Variants in TSPAN11 observed in about 807,000 individuals in gnomAD.
TSPAN11 encodes the protein tetraspanin 11.
Under a neutral mutation model 32.9 loss-of-function variants are expected in TSPAN11, and 29 were observed. That is an observed-to-expected ratio of 0.88 (90% CI 0.66 to 1.20). TSPAN11 has a LOEUF of 1.20. Ranked by LOEUF, TSPAN11 falls within the 50% of genes most tolerant of loss-of-function variation. The pLI is 0.00. For synonymous variants in TSPAN11, 140 were observed against 141.3 expected, an observed-to-expected ratio of 0.99 and a Z score of 0.07; for missense variants, 283 against 329.1, an observed-to-expected ratio of 0.86 and a Z score of 1.08.
In TSPAN11 at chr12:30,975,058, G is replaced by C. The variant is rs1938934585; in HGVS notation, c.277-3503G>C. On this transcript the variant is annotated intron_variant, in intron 3 of 7. Coordinates refer to ENST00000546076, the MANE Select transcript of TSPAN11 (RefSeq NM_001370302.1). The surrounding 1 kb of genome is among the most constrained non-coding windows in gnomAD (Gnocchi z 4.5). ...GGACAGGCAGGGCAAAGGCCCAAAG[G>C]CTGGACGCTTGGCCTGTGTGAAGAG... Among the ~76,000 whole-genome samples the C allele has an allele frequency of 6.6e-6, 1 of 152,224 alleles. No homozygotes were observed. The highest frequency in any genetic ancestry group is 1.5e-5 in the Non-Finnish European group (1 of 68,034).
At chr12:30,930,022 A>T (rs190171360) in intron 1 of TSPAN11, among the ~76,000 whole-genome samples, 53 of 152,242 alleles carry the variant, frequency 3.5e-4, no homozygotes, top group African/African-American at 1.3e-3. Flanking sequence ...GTTGTTGAGG[A>T]CGGAGACTGT....
chr12:30,982,738 G>A (rs1480304416), intron 6 of TSPAN11, 48 bp downstream of exon 6: 6 of 1,513,846 alleles, frequency 4.0e-6, no homozygotes, highest in Non-Finnish European at 5.3e-6. Flanking sequence ...CCCTGGCCTG[G>A]CCGTTCAGGA....
intron 1 of TSPAN11, among the ~76,000 whole-genome samples, chr12:30,931,817 T>G (rs1413608687): frequency 7.4e-6 from 1 of 135,642 alleles, no homozygotes; most frequent in African/African-American, 2.8e-5. Flanking sequence ...GAGATGGAGG[T>G]TGCAGTGAGC....
chr12:30,960,656 G>A lies in TSPAN11; in HGVS notation c.85-3170G>A, dbSNP rs535933546. On this transcript the variant is annotated intron_variant, in intron 2 of 7. Coordinates refer to ENST00000546076, the MANE Select transcript of TSPAN11 (RefSeq NM_001370302.1). ...TTACACAACAGGGGTGACCTGCTCCGCCCCTCCTGGCCAGCTTGCATCCTT... is the reference window on the plus strand; with the variant it reads ...TTACACAACAGGGGTGACCTGCTCCACCCCTCCTGGCCAGCTTGCATCCTT... Among the ~76,000 whole-genome samples, 188 of 152,004 alleles carry A rather than the reference G, an allele frequency of 1.2e-3. 1 individual carries two copies. Among genetic ancestry groups the A allele is most frequent in the Non-Finnish European group, 2.1e-3 (143 of 68,024 alleles).
rs1458496348 is a variant in TSPAN11 at position 30,993,719 on chromosome 12, A to G, written c.*1804A>G. ...TAATCAAAAACTGACTATGACTCCC[A>G]AGTTCTCTGAAGGATGAGATCACAA... On this transcript the variant is annotated 3_prime_UTR_variant, in exon 8 of 8. Coordinates refer to ENST00000546076, the MANE Select transcript of TSPAN11 (RefSeq NM_001370302.1). The G allele has an allele frequency of 6.6e-6, 1 of 152,292 alleles. No individual in the cohort carries two copies. The highest frequency in any genetic ancestry group is 2.4e-5 in the African/African-American group (1 of 41,474). The allele number at this position is 152,292 out of a possible 1,614,324, so 9.4% of individuals were successfully genotyped here.
Position 30,975,254 on chromosome 12 carries a change from G to A in TSPAN11, c.277-3307G>A, listed in dbSNP as rs554508384. On this transcript the variant is annotated intron_variant, in intron 3 of 7. Coordinates refer to ENST00000546076, the MANE Select transcript of TSPAN11 (RefSeq NM_001370302.1). This position sits in a 1 kb window ranked among gnomAD's most constrained non-coding sequence, Gnocchi z 4.5. ...TCTGTCAGAGCCCATGACCTCACCC[G>A]GCTGAAGTCCCAGCATCTTGATGAG... Among the ~76,000 whole-genome samples the A allele has an allele frequency of 9.2e-5, 14 of 152,252 alleles. No homozygotes were observed. The East Asian group carries it at 1.7e-3, about 19-fold the overall frequency.
In TSPAN11 at chr12:30,964,033, GTGCTC is replaced by G. The variant is rs777040296; in HGVS notation, c.276+20_276+24del. On this transcript the variant is annotated intron_variant, in intron 3 of 7. Transcript: ENST00000546076. ...CCTCTCCACGGTCAGTGCCCGCCCT[GTGCTC>G]TGCAGGGATGGGGAGCCCTGCACCA... The G allele has an allele frequency of 2.5e-6, 4 of 1,609,888 alleles. No individual in the cohort carries two copies. Among genetic ancestry groups the G allele is most frequent in the Non-Finnish European group, 3.4e-6 (4 of 1,178,750 alleles).
chr12:30,960,671 C>G (rs1938593818), intron 2 of TSPAN11, among the ~76,000 whole-genome samples: 1 of 152,004 alleles, frequency 6.6e-6, no homozygotes, highest in South Asian at 2.1e-4. Context: ...TCCTGGCCAG[C>G]TTGCATCCTT....
At chr12:30,997,461 T>G (rs536340497), downstream of TSPAN11, 2 of 152,754 alleles carry the variant, frequency 1.3e-5, no homozygotes, top group African/African-American at 4.8e-5. Context: ...AGGAAACTTA[T>G]AATCATGGCA....
intron 1 of TSPAN11, among the ~76,000 whole-genome samples, chr12:30,943,101 C>T (rs1448326693): frequency 2.6e-5 from 4 of 152,288 alleles, no homozygotes; most frequent in East Asian, 1.9e-4. Flanking sequence ...CAGTGACGGC[C>T]GTCATGGCAC....
At chr12:31,010,292 T>C in the TSPAN11 span, among the ~76,000 whole-genome samples, 4 of 152,172 alleles carry the variant, frequency 2.6e-5, no homozygotes, top group Admixed American at 6.5e-5. Context: ...GAGCTGACCA[T>C]TTAAATACAC....
At chr12:30,959,987 G>C (rs926469194) in intron 2 of TSPAN11, among the ~76,000 whole-genome samples, 1 of 151,712 alleles carries the variant, frequency 6.6e-6, no homozygotes, top group Non-Finnish European at 1.5e-5. Flanking sequence ...GGAGCCAGGA[G>C]CCGGGAGCCA....
intron 7 of TSPAN11, among the ~76,000 whole-genome samples, chr12:30,988,242 A>G (rs1331579614): frequency 6.6e-6 from 1 of 152,210 alleles, no homozygotes; most frequent in Non-Finnish European, 1.5e-5. Flanking sequence ...AAGGCCTTAC[A>G]GACTACCTGG....
intron 1 of TSPAN11, among the ~76,000 whole-genome samples, chr12:30,947,086 C>G (rs1325797699): frequency 6.6e-6 from 1 of 152,214 alleles, no homozygotes; most frequent in Non-Finnish European, 1.5e-5. Flanking sequence ...AAGCCCAGGT[C>G]CCTCCGTTCA....
At chr12:30,981,549 G>A (rs948670312) in intron 5 of TSPAN11, among the ~76,000 whole-genome samples, 2 of 152,210 alleles carry the variant, frequency 1.3e-5, no homozygotes, top group Non-Finnish European at 2.9e-5. Flanking sequence ...TCTGCGCGCT[G>A]TGCCAGTCCC....
chr12:30,967,817 G>A (rs1413793748), intron 3 of TSPAN11, among the ~76,000 whole-genome samples: 5 of 110,224 alleles, frequency 4.5e-5, no homozygotes, highest in Non-Finnish European at 1.0e-4. Flanking sequence ...TGCTTTCTTT[G>A]CTTTATCTGC....
At chr12:31,007,327 C>A in the TSPAN11 span, among the ~76,000 whole-genome samples, 6 of 152,074 alleles carry the variant, frequency 3.9e-5, no homozygotes, top group African/African-American at 1.4e-4. Context: ...AGGGCCACAC[C>A]CAGACCCACA....
chr12:31,013,467 C>T, the TSPAN11 span, among the ~76,000 whole-genome samples: 1 of 152,006 alleles, frequency 6.6e-6, no homozygotes, highest in Admixed American at 6.6e-5. Flanking sequence ...TCTGTAGTCT[C>T]AGCTACTCAG....
intron 1 of TSPAN11, among the ~76,000 whole-genome samples, chr12:30,944,142 T>TAC (rs1366322855): frequency 6.6e-6 from 1 of 152,174 alleles, no homozygotes; most frequent in Non-Finnish European, 1.5e-5. Context: ...TGTATGTATT[T>TAC]ACCATGTACA....
Sources: allele counts gnomAD v4.1 joint callset (sites outside exome capture counted in the v4.1 genomes callset), GRCh38; gene constraint gnomAD v4.1.1; non-coding constraint Gnocchi (gnomAD v3.1); transcripts MANE v1.5; gene names NCBI Gene and HGNC (gene_info 2026-07-23, HGNC 2026-07-21).